The following WWOX variants were observed in gnomAD, a reference collection of about 807,000 sequenced individuals.
The protein encoded by WWOX is WW domain-containing oxidoreductase.
WWOX carries 69 observed loss-of-function variants against 46.2 expected under a neutral mutation model. That is an observed-to-expected ratio of 1.49 (90% CI 1.23 to 1.82). WWOX has a LOEUF of 1.82. WWOX is among the 40% of genes most tolerant of loss of function. WWOX has a pLI of 0.00. For missense variants in WWOX, 919 were observed against 542.6 expected, an observed-to-expected ratio of 1.69 and a Z score of -6.89; for synonymous variants, 359 against 202.6, an observed-to-expected ratio of 1.77 and a Z score of -6.56.
At chr16:79,173,696 A>G (rs1303290880) in intron 8 of WWOX, among the ~76,000 whole-genome samples, 2 of 152,170 alleles carry the variant, frequency 1.3e-5, no homozygotes, top group African/African-American at 2.4e-5. Context: ...GTTCAACAGC[A>G]GGTGAATGAT....
intron 8 of WWOX, among the ~76,000 whole-genome samples, chr16:79,082,663 T>C (rs1194120797): frequency 6.6e-6 from 1 of 152,206 alleles, no homozygotes; most frequent in Non-Finnish European, 1.5e-5. Context: ...AGATCCACAG[T>C]CTGCTCTTTT....
chr16:78,881,107 T>G (rs945501130), intron 8 of WWOX, among the ~76,000 whole-genome samples: 1 of 149,530 alleles, frequency 6.7e-6, no homozygotes, highest in Admixed American at 6.8e-5. Flanking sequence ...TCCTCCTACC[T>G]CAGCCTCCCA....
chr16:79,070,382 T>G (rs1290914039), intron 8 of WWOX, among the ~76,000 whole-genome samples: 52 of 152,004 alleles, frequency 3.4e-4, no homozygotes, highest in Admixed American at 3.4e-3. Context: ...TAAAGTGTCC[T>G]CCAGCAAAAT....
intron 8 of WWOX, among the ~76,000 whole-genome samples, chr16:79,109,602 A>G (rs2049377991): frequency 6.6e-6 from 1 of 152,174 alleles, no homozygotes; most frequent in African/African-American, 2.4e-5. Context: ...AGCCTTGTTC[A>G]TTTTTAATTT....
At chr16:78,917,830 G>T (rs576451155) in intron 8 of WWOX, among the ~76,000 whole-genome samples, 1 of 152,212 alleles carries the variant, frequency 6.6e-6, no homozygotes, top group South Asian at 2.1e-4. Context: ...AAATGATACT[G>T]ACAAGGAATA....
chr16:79,129,013 G>A (rs2049819738), intron 8 of WWOX, among the ~76,000 whole-genome samples: 1 of 152,154 alleles, frequency 6.6e-6, no homozygotes, highest in Non-Finnish European at 1.5e-5. Flanking sequence ...CCATTTGCTG[G>A]TAAACAACAG....
At chr16:79,126,016 G>A (rs1159033689) in intron 8 of WWOX, among the ~76,000 whole-genome samples, 3 of 152,166 alleles carry the variant, frequency 2.0e-5, no homozygotes, top group South Asian at 2.1e-4. Flanking sequence ...CTTAGTAGAT[G>A]TTTACTGAAT....
At chr16:78,455,224 C>G (rs1156866488) in intron 8 of WWOX, among the ~76,000 whole-genome samples, 1 of 152,154 alleles carries the variant, frequency 6.6e-6, no homozygotes, top group Admixed American at 6.5e-5. Flanking sequence ...CATGTTGACA[C>G]AAACGAGAGA....
chr16:78,144,462 T>TATATAC (rs1555543063), intron 4 of WWOX, among the ~76,000 whole-genome samples: 8 of 23,630 alleles, frequency 3.4e-4, no homozygotes, highest in South Asian at 2.8e-3. Context: ...TATATATATA[T>TATATAC]ACACACATAT....
At chr16:79,081,257 G>A (rs1114709) in intron 8 of WWOX, among the ~76,000 whole-genome samples, 5,408 of 152,204 alleles carry the variant, frequency 0.036, 323 homozygotes, top group African/African-American at 0.12. Flanking sequence ...TCTGCCTCCC[G>A]TGTTCAAGTG....
At chr16:78,361,070 A>C (rs1314714732) in intron 5 of WWOX, among the ~76,000 whole-genome samples, 1 of 152,084 alleles carries the variant, frequency 6.6e-6, no homozygotes, top group Non-Finnish European at 1.5e-5. Flanking sequence ...AAATCTGCTT[A>C]CCTCGGCTTC....
intron 8 of WWOX, among the ~76,000 whole-genome samples, chr16:78,497,254 T>A (rs2084939962): frequency 1.3e-5 from 2 of 152,230 alleles, no homozygotes; most frequent in African/African-American, 4.8e-5. Flanking sequence ...TGATTCTAGC[T>A]TTTCCTCCAA....
At chr16:78,453,789 ATAGT>A (rs1213390026) in intron 8 of WWOX, among the ~76,000 whole-genome samples, 1 of 152,104 alleles carries the variant, frequency 6.6e-6, no homozygotes, top group Non-Finnish European at 1.5e-5. Flanking sequence ...CAGTGCGAAG[ATAGT>A]TAAGCTCTTC....
intron 8 of WWOX, among the ~76,000 whole-genome samples, chr16:78,618,601 G>C (rs1438799315): frequency 6.6e-6 from 1 of 152,128 alleles, no homozygotes; most frequent in Admixed American, 6.5e-5. Flanking sequence ...AGGTACTGGG[G>C]GTTTGGGCTT....
At chr16:78,859,229 G>A (rs2052659985) in intron 8 of WWOX, among the ~76,000 whole-genome samples, 1 of 151,360 alleles carries the variant, frequency 6.6e-6, no homozygotes, top group Admixed American at 6.6e-5. Flanking sequence ...TTTCAACTTT[G>A]TTTCCCAGCA....
chr16:78,745,661 T>C (rs1469773164), intron 8 of WWOX, among the ~76,000 whole-genome samples: 2 of 151,858 alleles, frequency 1.3e-5, no homozygotes, highest in Admixed American at 1.3e-4. Context: ...TACAGCTGTT[T>C]TTCAGCACAT....
chr16:78,950,068 C>T (rs542905701), intron 8 of WWOX, among the ~76,000 whole-genome samples: 3 of 152,204 alleles, frequency 2.0e-5, no homozygotes, highest in East Asian at 3.9e-4. Flanking sequence ...TGAATTTGGG[C>T]GATGATACCA....
chr16:78,951,124 G>T (rs2046051146), intron 8 of WWOX, among the ~76,000 whole-genome samples: 1 of 152,182 alleles, frequency 6.6e-6, no homozygotes, highest in Non-Finnish European at 1.5e-5. Flanking sequence ...AACTTGCTTA[G>T]ACCAAAGATG....
rs1207718237 is a variant in WWOX, at chr16:78,702,120, A to ATATATATATATATATATATT, written c.1056+269371_1056+269372insATATATATATATATATTTAT. On this transcript the variant is annotated intron_variant, in intron 8 of 8. Coordinates refer to ENST00000566780, the MANE Select transcript of WWOX (RefSeq NM_016373.4). The stretch of plus-strand genomic sequence containing the variant: ...TAAAGTTATATATATATATATATAT[A>ATATATATATATATATATATT]TATTTATTTATTTTCAAGACATGGT... Among the ~76,000 whole-genome samples the ATATATATATATATATATATT allele has an allele frequency of 1.4e-3, 187 of 129,984 alleles. 2 individuals carry two copies. The highest frequency in any genetic ancestry group is 6.0e-3 in the African/African-American group (181 of 30,234). The allele number at this position is 129,984 out of a possible 152,430, so 85.3% of individuals were successfully genotyped here. A position where few individuals can be genotyped will look rare whatever the true frequency, so the allele number is the denominator to read the frequency against.
Sources: gnomAD v4.1 joint callset for allele counts (sites outside exome capture counted in the v4.1 genomes callset) on GRCh38, gnomAD v4.1.1 for gene constraint, MANE v1.5 for transcripts, NCBI Gene and HGNC (gene_info 2026-07-23, HGNC 2026-07-21) for gene names.